Variants in COL14A1 observed in about 807,000 individuals in gnomAD.
The protein encoded by COL14A1 is collagen alpha-1(XIV) chain.
In COL14A1, 136 loss-of-function variants were observed where a neutral mutation model predicts 230.3. That is an observed-to-expected ratio of 0.59 (90% CI 0.51 to 0.68). The LOEUF (loss-of-function observed/expected upper bound fraction) is 0.68. Among genes scored for constraint, COL14A1 ranks in the 30% least tolerant of loss-of-function variants. The pLI, the probability that COL14A1 is intolerant of heterozygous loss-of-function variation, is 0.00. For synonymous variants in COL14A1, 792 were observed against 784.1 expected, an observed-to-expected ratio of 1.01 and a Z score of -0.17; for missense variants, 1,976 against 2,215.8, an observed-to-expected ratio of 0.89 and a Z score of 2.17.
Position 120,285,888 on chromosome 8 carries a change from A to G in COL14A1, c.3995A>G (p.Asn1332Ser), listed in dbSNP as rs1331916246. 1.9e-6 allele frequency: 3 copies of G among 1,608,716 alleles called. No homozygotes were observed. The Middle Eastern group carries it at 5.0e-4, about 267-fold the overall frequency. The change falls in exon 33 of 48, where the codon AAC becomes AGC. Residue 1332 changes from asparagine to serine, a missense_variant. By Grantham distance (46) the Asn-to-Ser change is conservative. Coordinates refer to ENST00000297848, the MANE Select transcript of COL14A1 (RefSeq NM_021110.4). ...DNGGKTLTYFNYDQSGDFQTV... is the reference protein window; with the variant it reads ...DNGGKTLTYFSYDQSGDFQTV... ...GGTGGGAAAACTCTAACATATTTCAACTATGACCAGAGTGGGGATTTTCAA... is the reference window on the plus strand; with the variant it reads ...GGTGGGAAAACTCTAACATATTTCAGCTATGACCAGAGTGGGGATTTTCAA...
chr8:120,162,547 G>C lies in COL14A1; in HGVS notation c.327G>C (p.Lys109Asn). ...IIAYNKDKES[K>N]PAQGQFRIKD... ...CATACAATAAAGATAAAGAAAGCAA[G>C]CCAGCTCAAGGCCAATTCAGAAGTA... The change falls in exon 4 of 48, where the codon AAG becomes AAC. Residue 109 changes from lysine to asparagine, a missense_variant. Lys to Asn is a moderately conservative substitution (Grantham distance 94, BLOSUM62 0). Transcript: ENST00000297848. The C allele has an allele frequency of 6.2e-7, 1 of 1,607,768 alleles. No individual in the cohort carries two copies. Among genetic ancestry groups the C allele is most frequent in the African/African-American group, 1.3e-5 (1 of 74,796 alleles).
chr8:120,324,262 A>C (rs1423990357), intron 40 of COL14A1, among the ~76,000 whole-genome samples: 3 of 152,150 alleles, frequency 2.0e-5, no homozygotes, highest in African/African-American at 7.2e-5. Flanking sequence ...ATGAAATGAA[A>C]ATAGTATATA....
At chr8:120,350,580 T>A (rs1382444820) in intron 45 of COL14A1, among the ~76,000 whole-genome samples, 3 of 150,968 alleles carry the variant, frequency 2.0e-5, no homozygotes, top group African/African-American at 7.3e-5. Flanking sequence ...AGGCAGGGGT[T>A]GCAATCCTAG....
At chr8:120,153,582 G>T (rs1815364681) in intron 2 of COL14A1, among the ~76,000 whole-genome samples, 1 of 152,134 alleles carries the variant, frequency 6.6e-6, no homozygotes, top group Non-Finnish European at 1.5e-5. Flanking sequence ...AATATAATTG[G>T]TTGCCCTATC....
At chr8:120,309,061 A>C (rs1434457148) in intron 36 of COL14A1, among the ~76,000 whole-genome samples, 2 of 152,140 alleles carry the variant, frequency 1.3e-5, no homozygotes, top group African/African-American at 2.4e-5. Flanking sequence ...CAGCCTCCTG[A>C]GTAGCTGGGA....
intron 33 of COL14A1, among the ~76,000 whole-genome samples, chr8:120,286,188 G>A (rs902990209): frequency 4.0e-5 from 6 of 151,470 alleles, no homozygotes; most frequent in Non-Finnish European, 8.8e-5. Context: ...AGGCACTCCC[G>A]AAAATAAGGG....
chr8:120,368,690 CAATT>C (rs1372283132), intron 46 of COL14A1, among the ~76,000 whole-genome samples: 1 of 151,258 alleles, frequency 6.6e-6, no homozygotes, highest in Non-Finnish European at 1.5e-5. Context: ...TCTGAATTCT[CAATT>C]AATGTAAACT....
intron 1 of COL14A1, among the ~76,000 whole-genome samples, chr8:120,133,422 AC>A (rs1814609674): frequency 6.6e-6 from 1 of 152,134 alleles, no homozygotes; most frequent in Non-Finnish European, 1.5e-5. Context: ...AGTAAATAGA[AC>A]CCAAAAGAAT....
Position 120,216,636 on chromosome 8 carries a change from TTGGGGTGTGGATTGCAGTTATCAC to T in COL14A1, c.1737+150_1737+173del, listed in dbSNP as rs1817760112. ...ATAGTTCCTGTATGTAGGTCAGGAA[TTGGGGTGTGGATTGCAGTTATCAC>T]TGGAGGAGGGGTGCTCCCCAGTGAG... On this transcript the variant is annotated intron_variant, in intron 14 of 47. Transcript: ENST00000297848. 13 of 846,258 alleles carry T rather than the reference TTGGGGTGTGGATTGCAGTTATCAC, an allele frequency of 1.5e-5. 2 individuals are homozygous for T. In the South Asian group the frequency reaches 3.2e-4, roughly 21 times the overall value. 52.4% of individuals were successfully genotyped at this position (846,258 alleles called of 1,614,324 possible). A position where few individuals can be genotyped will look rare whatever the true frequency, so the allele number is the denominator to read the frequency against.
At chr8:120,272,403 T>G (rs562842267) in intron 26 of COL14A1, among the ~76,000 whole-genome samples, 1 of 151,642 alleles carries the variant, frequency 6.6e-6, no homozygotes, top group East Asian at 1.9e-4. Context: ...AACAAAGTAC[T>G]TAGGTAACAA....
chr8:120,335,032 C>G (rs1822004553), intron 42 of COL14A1, among the ~76,000 whole-genome samples: 1 of 152,164 alleles, frequency 6.6e-6, no homozygotes, highest in Admixed American at 6.5e-5. Flanking sequence ...CTAGTTTCTC[C>G]TAACCCAGGC....
chr8:120,182,296 C>T (rs974688352), intron 5 of COL14A1, among the ~76,000 whole-genome samples: 3 of 152,158 alleles, frequency 2.0e-5, no homozygotes, highest in Admixed American at 6.6e-5. Context: ...TAGGAATGCT[C>T]GGGCTTCTCT....
At chr8:120,289,906 G>A in intron 34 of COL14A1, 140 bp downstream of exon 34, 2 of 826,384 alleles carry the variant, frequency 2.4e-6, no homozygotes. Flanking sequence ...ATGGATGGAT[G>A]GATGGATAGA....
At chr8:120,245,936 T>C (rs897003794) in intron 20 of COL14A1, among the ~76,000 whole-genome samples, 1 of 152,180 alleles carries the variant, frequency 6.6e-6, no homozygotes, top group African/African-American at 2.4e-5. Flanking sequence ...AAGGTAGTCA[T>C]AGAACCCACT....
intron 2 of COL14A1, 70 bp from the exon 3 acceptor site, chr8:120,158,060 G>A: frequency 1.2e-6 from 1 of 821,666 alleles, no homozygotes; most frequent in East Asian, 2.6e-5. Flanking sequence ...ATACTACTTT[G>A]ACTTTCTGAT....
At chr8:120,162,397 A>T in intron 3 of COL14A1, 29 bp from the exon 4 acceptor site, 1 of 1,574,302 alleles carries the variant, frequency 6.4e-7, no homozygotes, top group African/African-American at 1.4e-5. Flanking sequence ...TATTTCTTAG[A>T]ACTGATTTAT....
At chr8:120,340,646 C>A (rs1014831415) in intron 42 of COL14A1, among the ~76,000 whole-genome samples, 3 of 152,066 alleles carry the variant, frequency 2.0e-5, no homozygotes, top group African/African-American at 7.2e-5. Flanking sequence ...TTGGAGGAAC[C>A]CTGAAAATGC....
intron 11 of COL14A1, among the ~76,000 whole-genome samples, chr8:120,209,410 G>A (rs1443341812): frequency 6.6e-6 from 1 of 152,016 alleles, no homozygotes; most frequent in African/African-American, 2.4e-5. Context: ...GTAGTAGGGG[G>A]TGGGGACGCA....
chr8:120,298,641 A>G (rs1160120151), intron 35 of COL14A1, among the ~76,000 whole-genome samples: 1 of 128,798 alleles, frequency 7.8e-6, no homozygotes, highest in Non-Finnish European at 1.7e-5. Context: ...ATATATATAC[A>G]AAAATACAGA....
Sources: allele counts gnomAD v4.1 joint callset (sites outside exome capture counted in the v4.1 genomes callset), GRCh38; gene constraint gnomAD v4.1.1; transcripts MANE v1.5; gene names NCBI Gene and HGNC (gene_info 2026-07-23, HGNC 2026-07-21).